The following SCAMP1 variants were observed in gnomAD, a reference collection of about 807,000 sequenced individuals.
SCAMP1 encodes secretory carrier-associated membrane protein 1.
Under a neutral mutation model 41.8 loss-of-function variants are expected in SCAMP1, and 15 were observed. The observed-to-expected ratio is 0.36, with a 90% confidence interval of 0.24 to 0.55. SCAMP1 has a LOEUF of 0.55. SCAMP1 is among the 20% of genes least tolerant of loss of function. The pLI is 0.86. For synonymous variants in SCAMP1, 135 were observed against 136.8 expected (o/e 0.99, Z 0.09); for missense variants, 341 against 412.6 (o/e 0.83, Z 1.50).
At chr5:78,435,604 T>A (rs1752733424) in intron 6 of SCAMP1, among the ~76,000 whole-genome samples, 1 of 152,212 alleles carries the variant, frequency 6.6e-6, no homozygotes, top group South Asian at 2.1e-4. Context: ...ATGTGCCACA[T>A]TTTCTTAATC....
chr5:78,425,731 A>G (rs1392984810), intron 6 of SCAMP1, among the ~76,000 whole-genome samples: 1 of 152,110 alleles, frequency 6.6e-6, no homozygotes, highest in East Asian at 1.9e-4. Context: ...ATTAGGATAT[A>G]TTGTATATAC....
chr5:78,395,108 C>T (rs1434816377), intron 2 of SCAMP1, among the ~76,000 whole-genome samples: 1 of 152,212 alleles, frequency 6.6e-6, no homozygotes, highest in Non-Finnish European at 1.5e-5. Flanking sequence ...ATTACCTACT[C>T]AGTAGTTTGG....
intron 1 of SCAMP1, among the ~76,000 whole-genome samples, chr5:78,365,699 G>A (rs569385632): frequency 2.6e-5 from 4 of 152,026 alleles, no homozygotes; most frequent in Admixed American, 1.3e-4. Context: ...TTCACAACAC[G>A]TAGTTCCTCC....
intron 6 of SCAMP1, among the ~76,000 whole-genome samples, chr5:78,423,350 C>T (rs1324914279): frequency 2.0e-5 from 3 of 152,174 alleles, no homozygotes; most frequent in East Asian, 1.9e-4. Context: ...AACATAGTTA[C>T]TCCTTGCATG....
At chr5:78,469,346 T>A (rs1753817772) in intron 8 of SCAMP1, among the ~76,000 whole-genome samples, 1 of 152,108 alleles carries the variant, frequency 6.6e-6, no homozygotes, top group Admixed American at 6.6e-5. Context: ...AAAATAGTCA[T>A]CCAGTTACTT....
intron 2 of SCAMP1, among the ~76,000 whole-genome samples, chr5:78,405,286 A>T (rs1479826853): frequency 6.6e-6 from 1 of 152,126 alleles, no homozygotes; most frequent in African/African-American, 2.4e-5. Context: ...AATAGCCTTT[A>T]ATCTGATCCC....
intron 2 of SCAMP1, among the ~76,000 whole-genome samples, chr5:78,391,973 G>A (rs2089686658): frequency 6.6e-6 from 1 of 151,934 alleles, no homozygotes; most frequent in African/African-American, 2.4e-5. Context: ...TCCAGCTTCG[G>A]CTTGGCATCA....
At chr5:78,377,849 T>C (rs758990810) in intron 1 of SCAMP1, among the ~76,000 whole-genome samples, 2 of 152,176 alleles carry the variant, frequency 1.3e-5, no homozygotes, top group Non-Finnish European at 2.9e-5. Context: ...TCATGAATTA[T>C]ATGATACATT....
At chr5:78,450,128 A>C in intron 7 of SCAMP1, 94 bp downstream of exon 7, 1 of 683,522 alleles carries the variant, frequency 1.5e-6, no homozygotes, top group Non-Finnish European at 2.5e-6. Context: ...AAACCAGATT[A>C]GAAAAATTAA....
At chr5:78,405,947 A>C (rs1157877856) in intron 2 of SCAMP1, among the ~76,000 whole-genome samples, 1 of 152,200 alleles carries the variant, frequency 6.6e-6, no homozygotes, top group Non-Finnish European at 1.5e-5. Context: ...TTCTGAGATT[A>C]GTATGTGTAA....
intron 6 of SCAMP1, among the ~76,000 whole-genome samples, chr5:78,422,560 T>C (rs1431040221): frequency 6.6e-6 from 1 of 151,046 alleles, no homozygotes; most frequent in Non-Finnish European, 1.5e-5. Context: ...TATTAATAGG[T>C]GCTGGGGGAG....
intron 1 of SCAMP1, among the ~76,000 whole-genome samples, chr5:78,372,611 T>C (rs1056974642): frequency 6.6e-6 from 1 of 152,172 alleles, no homozygotes; most frequent in Non-Finnish European, 1.5e-5. Flanking sequence ...TCTCCAACAT[T>C]TGTATGAAAC....
intron 6 of SCAMP1, among the ~76,000 whole-genome samples, chr5:78,441,313 G>C (rs1240805898): frequency 6.6e-6 from 1 of 152,134 alleles, no homozygotes; most frequent in African/African-American, 2.4e-5. Context: ...GACCAGAGCT[G>C]TTCCTATTTG....
intron 1 of SCAMP1, among the ~76,000 whole-genome samples, chr5:78,388,386 A>G (rs1461528621): frequency 3.3e-5 from 5 of 152,236 alleles, no homozygotes; most frequent in African/African-American, 1.2e-4. Context: ...GAGTTACTTA[A>G]TATTGAATGC....
At chr5:78,369,051 C>A (rs950597532) in intron 1 of SCAMP1, among the ~76,000 whole-genome samples, 2 of 151,478 alleles carry the variant, frequency 1.3e-5, no homozygotes, top group African/African-American at 4.9e-5. Flanking sequence ...ATAGGGAGAC[C>A]CAAGGAGAGG....
Position 78,416,607 on chromosome 5 carries a change from T to A in SCAMP1, c.301T>A (p.Leu101Ile). ...QEELERKAAELDRREREMQNL... is the reference protein window; with the variant it reads ...QEELERKAAEIDRREREMQNL... The stretch of plus-strand genomic sequence containing the variant: ...AGAACTAGAAAGAAAAGCCGCAGAA[T>A]TAGATCGTCGGGAACGAGAAATGCA... The change falls in exon 4 of 9, where the codon TTA becomes ATA. Residue 101 changes from leucine to isoleucine, a missense_variant. By Grantham distance (5) the Leu-to-Ile change is conservative. Coordinates refer to ENST00000621999, the MANE Select transcript of SCAMP1 (RefSeq NM_004866.6). The A allele has an allele frequency of 6.3e-7, 1 of 1,598,686 alleles. No individual in the cohort carries two copies. The highest frequency in any genetic ancestry group is 8.5e-7 in the Non-Finnish European group (1 of 1,172,312).
chr5:78,453,781 TG>T (rs1465936830), intron 7 of SCAMP1, among the ~76,000 whole-genome samples: 2 of 152,204 alleles, frequency 1.3e-5, no homozygotes, highest in Non-Finnish European at 2.9e-5. Context: ...TTGGGCAGTA[TG>T]GCCATTTTCA....
At chr5:78,439,386 A>G (rs985308762) in intron 6 of SCAMP1, among the ~76,000 whole-genome samples, 5 of 149,170 alleles carry the variant, frequency 3.4e-5, no homozygotes, top group Admixed American at 2.0e-4. Context: ...TGCTTCCTTC[A>G]GGAGCTCTTG....
chr5:78,370,102 A>G (rs546550929), intron 1 of SCAMP1, among the ~76,000 whole-genome samples: 21 of 152,338 alleles, frequency 1.4e-4, no homozygotes, highest in Admixed American at 6.5e-4. Flanking sequence ...TATCTTTAAA[A>G]TATTCTCCTG....
Sources: allele counts gnomAD v4.1 joint callset (sites outside exome capture counted in the v4.1 genomes callset), GRCh38; gene constraint gnomAD v4.1.1; transcripts MANE v1.5; gene names NCBI Gene and HGNC (gene_info 2026-07-23, HGNC 2026-07-21).